The following TG variants were observed in gnomAD, a reference collection of about 807,000 sequenced individuals.
TG encodes the protein thyroglobulin, also known as thyroid hormones.
Under a neutral mutation model 324.7 loss-of-function variants are expected in TG, and 270 were observed. That is an observed-to-expected ratio of 0.83 (90% CI 0.75 to 0.92). The LOEUF (loss-of-function observed/expected upper bound fraction) is 0.92, where lower values mean the gene tolerates loss of function less well. TG is among the 40% of genes least tolerant of loss of function. The pLI, the probability that TG is intolerant of heterozygous loss-of-function variation, is 0.00. For missense variants in TG, 3,591 were observed against 3,456.4 expected, an observed-to-expected ratio of 1.04 and a Z score of -0.98; for synonymous variants, 1,401 against 1,327.0, an observed-to-expected ratio of 1.06 and a Z score of -1.21.
At chr8:133,057,905 T>C (rs1841751572) in intron 41 of TG, among the ~76,000 whole-genome samples, 1 of 152,190 alleles carries the variant, frequency 6.6e-6, no homozygotes, top group Admixed American at 6.5e-5. Context: ...GGCTGGCCTC[T>C]GGGTGATCCT....
rs556216152 is a variant in TG at position 132,893,696 on chromosome 8, G to A, written c.2768G>A (p.Gly923Asp). ...GTTATTTTTATTCCCCTAGGTCCTG[G>A]CTCCTGTGAGGAAGCAAAGCTCCGT... The part of the protein sequence containing the change: ...SEPSKLPTCP[G>D]SCEEAKLRVL... Residue 923 changes from glycine to aspartate, a missense_variant, in exon 11 of 48, where the codon GGC becomes GAC. Coordinates refer to ENST00000220616, the MANE Select transcript of TG (RefSeq NM_003235.5). 2.5e-6 allele frequency: 4 copies of A among 1,613,766 alleles called. No homozygotes were observed. The highest frequency in any genetic ancestry group is 4.5e-5 in the East Asian group (2 of 44,878).
chr8:133,055,353 ACACGCACGCGCG>A (rs1171832728), intron 41 of TG, among the ~76,000 whole-genome samples: 12 of 80,038 alleles, frequency 1.5e-4, no homozygotes, highest in Middle Eastern at 5.7e-3. Flanking sequence ...CAGGACACAC[ACACGCACGCGCG>A]CACACACACA....
chr8:132,975,623 C>T (rs1053676910), intron 34 of TG, among the ~76,000 whole-genome samples: 20 of 152,268 alleles, frequency 1.3e-4, no homozygotes, highest in Middle Eastern at 3.4e-3. Flanking sequence ...CTGGCATTAC[C>T]AATATAACCT....
chr8:132,889,312 T>A (rs146283767), intron 10 of TG, among the ~76,000 whole-genome samples: 2,002 of 152,360 alleles, frequency 0.013, 24 homozygotes, highest in Non-Finnish European at 0.021. Context: ...ATAGGTGATA[T>A]GACAGCTGTT....
At chr8:132,945,424 T>C (rs748437728) in intron 26 of TG, among the ~76,000 whole-genome samples, 1 of 152,136 alleles carries the variant, frequency 6.6e-6, no homozygotes, top group Non-Finnish European at 1.5e-5. Flanking sequence ...GATGTCCAAT[T>C]TGGCGATGGG....
At chr8:133,071,658 G>T (rs1054458448) in intron 41 of TG, among the ~76,000 whole-genome samples, 4 of 151,988 alleles carry the variant, frequency 2.6e-5, no homozygotes, top group Admixed American at 2.6e-4. Context: ...AGGAGTGGGG[G>T]GAGGAGGCGC....
intron 23 of TG, among the ~76,000 whole-genome samples, chr8:132,932,986 A>G (rs1822939659): frequency 6.6e-6 from 1 of 152,210 alleles, no homozygotes; most frequent in African/African-American, 2.4e-5. Context: ...TTAGATTTCA[A>G]TCCTAGCTCT....
chr8:133,133,805 A>G (rs17705891), intron 47 of TG, 145 bp downstream of exon 47: 12 of 949,806 alleles, frequency 1.3e-5, no homozygotes, highest in Non-Finnish European at 2.0e-5. Flanking sequence ...TGAGTTGTTC[A>G]TGGTCTGGGG....
intron 41 of TG, among the ~76,000 whole-genome samples, chr8:133,058,689 C>A (rs972945383): frequency 2.0e-5 from 3 of 152,180 alleles, no homozygotes; most frequent in African/African-American, 7.2e-5. Context: ...CTCCTGACAG[C>A]AGCAGCAGCT....
chr8:132,906,313 G>T (rs937472264), intron 16 of TG, among the ~76,000 whole-genome samples: 1 of 152,092 alleles, frequency 6.6e-6, no homozygotes, highest in South Asian at 2.1e-4. Flanking sequence ...CCTTGTGCCT[G>T]GGGGACTGAG....
intron 35 of TG, among the ~76,000 whole-genome samples, chr8:132,986,880 G>A (rs1363072631): frequency 1.3e-5 from 2 of 152,060 alleles, no homozygotes; most frequent in Non-Finnish European, 2.9e-5. Context: ...ATATACTTGC[G>A]ATCCTTAAGT....
chr8:132,906,408 T>C (rs945334559), intron 16 of TG, among the ~76,000 whole-genome samples: 1 of 151,984 alleles, frequency 6.6e-6, no homozygotes, highest in Non-Finnish European at 1.5e-5. Context: ...GCTTTAGAGA[T>C]GAGAAGAAGC....
chr8:133,075,091 T>G (rs1844659897), intron 41 of TG: 1 of 985,270 alleles, frequency 1.0e-6, no homozygotes, highest in African/African-American at 1.7e-5. Flanking sequence ...CAGGTTCCTG[T>G]TTTCAGTAAC....
chr8:132,965,381 C>G (rs979741048), intron 29 of TG, among the ~76,000 whole-genome samples: 1 of 152,152 alleles, frequency 6.6e-6, no homozygotes, highest in Non-Finnish European at 1.5e-5. Flanking sequence ...CTCCTTGAGC[C>G]TGCTTTATGA....
intron 41 of TG, among the ~76,000 whole-genome samples, chr8:133,068,195 T>C (rs188653597): frequency 6.6e-6 from 1 of 152,310 alleles, no homozygotes; most frequent in Non-Finnish European, 1.5e-5. Flanking sequence ...TAAGTTTGGA[T>C]GAATGCATGA....
At chr8:133,092,043 C>A (rs776863725) in intron 41 of TG, among the ~76,000 whole-genome samples, 15 of 152,180 alleles carry the variant, frequency 9.9e-5, no homozygotes, top group Non-Finnish European at 1.8e-4. Flanking sequence ...CCTGGTGCTG[C>A]TTTAAAACAA....
At chr8:133,075,687 A>G (rs891203463) in intron 41 of TG, among the ~76,000 whole-genome samples, 2 of 152,222 alleles carry the variant, frequency 1.3e-5, no homozygotes, top group Non-Finnish European at 2.9e-5. Flanking sequence ...ATCTACAGCC[A>G]TCATATTGGC....
intron 41 of TG, among the ~76,000 whole-genome samples, chr8:133,048,386 A>G (rs748814809): frequency 4.6e-5 from 7 of 152,042 alleles, no homozygotes; most frequent in Non-Finnish European, 1.0e-4. Context: ...ACGTCTGGCA[A>G]CTTTTTGTGT....
chr8:132,900,422 C>G, intron 15 of TG, 83 bp downstream of exon 15: 1 of 1,248,144 alleles, frequency 8.0e-7, no homozygotes, highest in Non-Finnish European at 1.1e-6. Flanking sequence ...GGCTTCGTGT[C>G]CCAGCTCTAC....
Sources: gnomAD v4.1 joint callset for allele counts (sites outside exome capture counted in the v4.1 genomes callset) on GRCh38, gnomAD v4.1.1 for gene constraint, MANE v1.5 for transcripts, NCBI Gene and HGNC (gene_info 2026-07-23, HGNC 2026-07-21) for gene names.